TMEM147: variants seen among roughly 807,000 people sequenced by gnomAD.
TMEM147 encodes BOS complex subunit TMEM147.
Under a neutral mutation model 29.4 loss-of-function variants are expected in TMEM147, and 29 were observed. That is an observed-to-expected ratio of 0.99 (90% CI 0.73 to 1.34). TMEM147 has a LOEUF of 1.34. Ranked by LOEUF, TMEM147 falls within the 40% of genes most tolerant of loss-of-function variation. The pLI, the probability that TMEM147 is intolerant of heterozygous loss-of-function variation, is 0.00. For missense variants in TMEM147, 260 were observed against 289.4 expected, an observed-to-expected ratio of 0.90 and a Z score of 0.74; for synonymous variants, 121 against 111.8, an observed-to-expected ratio of 1.08 and a Z score of -0.52.
chr19:35,547,511 C>A lies in TMEM147; in HGVS notation c.*64C>A. 6.3e-7 allele frequency: 1 copy of A among 1,584,384 alleles called. No individual in the cohort carries two copies. Among genetic ancestry groups the A allele is most frequent in the Non-Finnish European group, 8.6e-7 (1 of 1,164,356 alleles). On this transcript the variant is annotated 3_prime_UTR_variant, in exon 7 of 7. Coordinates refer to ENST00000222284, the MANE Select transcript of TMEM147 (RefSeq NM_032635.4). ...TCACTCCAGGTTTTAGTGAAGTAAA[C>A]AGTATTTGGAAAGTTGTTGCTGCCT...
chr19:35,546,786 ACTGCTGAGCTTATTATGTCCC>A lies in TMEM147; in HGVS notation c.323_343del (p.Thr108_Arg115delinsSer). 1 of 1,614,220 alleles carries A rather than the reference ACTGCTGAGCTTATTATGTCCC, an allele frequency of 6.2e-7. No individual in the cohort carries two copies. The highest frequency in any genetic ancestry group is 2.2e-5 in the East Asian group (1 of 44,878). On this transcript the variant is annotated inframe_deletion and splice_region_variant, in exon 4 of 7. Transcript: ENST00000222284. ...CATGGTTGCTGCCCTGGGCTGGGCC[ACTGCTGAGCTTATTATGTCCC>A]GGTGCGTACAGCAGCCTGGAGCCCA...
chr19:35,546,769 C>G lies in TMEM147; in HGVS notation c.305C>G (p.Ala102Gly). 1.2e-6 allele frequency: 2 copies of G among 1,614,232 alleles called. No homozygotes were observed. The highest frequency in any genetic ancestry group is 1.7e-6 in the Non-Finnish European group (2 of 1,180,040). ...AAGGGAGAGTACAAGATCATGGTTG[C>G]TGCCCTGGGCTGGGCCACTGCTGAG... ...AGKGEYKIMVAALGWATAELI... is the reference protein window; with the variant it reads ...AGKGEYKIMVGALGWATAELI... The change falls in exon 4 of 7, where the codon GCT becomes GGT. Residue 102 changes from alanine (A) to glycine (G), a missense_variant. Transcript: ENST00000222284.
chr19:35,546,353 ATCCTCTATCTCCCCGAT>A (rs1313046694), intron 2 of TMEM147, 156 bp from the exon 3 acceptor site: 2 of 737,518 alleles, frequency 2.7e-6, no homozygotes, highest in African/African-American at 3.6e-5. Context: ...CCGGGGACCT[ATCCTCTATCTCCCCGAT>A]TCCTGTAATT....
At chr19:35,546,392 T>C in intron 2 of TMEM147, 134 bp from the exon 3 acceptor site, 2 of 1,046,350 alleles carry the variant, frequency 1.9e-6, no homozygotes, top group Non-Finnish European at 2.7e-6. Context: ...TGCCACCATC[T>C]GGTGGTTCCT....
intron 5 of TMEM147, 29 bp from the exon 6 acceptor site, chr19:35,547,088 GGC>G (rs764407376): frequency 6.2e-7 from 1 of 1,614,094 alleles, no homozygotes; most frequent in African/African-American, 1.3e-5. Flanking sequence ...TCCTCCCCAA[GGC>G]CTGGCCCCGA....
rs905256987 is a variant in TMEM147, at chr19:35,545,838, G to A, written c.77+22G>A. On this transcript the variant is annotated intron_variant, in intron 1 of 6. Coordinates refer to ENST00000222284, the MANE Select transcript of TMEM147 (RefSeq NM_032635.4). ...GCCTGTGAGTGCGGGAAGGGCGCGGGGCGGAGAGGGCGCGGGGCCCGGGCC... is the reference window on the plus strand; with the variant it reads ...GCCTGTGAGTGCGGGAAGGGCGCGGAGCGGAGAGGGCGCGGGGCCCGGGCC... 3 of 1,613,700 alleles carry A rather than the reference G, an allele frequency of 1.9e-6. No homozygotes were observed. The African/African-American group carries it at 4.0e-5, about 22-fold the overall frequency.
rs933126702 is a variant in TMEM147 at position 35,547,480 on chromosome 19, C to T, written c.*33C>T. 3 of 1,606,540 alleles carry T rather than the reference C, an allele frequency of 1.9e-6. No homozygotes were observed. Reference sequence around the variant, plus strand: ...GTCTCAGACATTGATGTACCTTTTCCCTGCCTCACTCCAGGTTTTAGTGAA... The same window carrying T: ...GTCTCAGACATTGATGTACCTTTTCTCTGCCTCACTCCAGGTTTTAGTGAA... On this transcript the variant is annotated 3_prime_UTR_variant, in exon 7 of 7. Transcript: ENST00000222284.
In TMEM147 at chr19:35,545,916, G is replaced by T; in HGVS notation, c.106G>T (p.Val36Phe). Residue 36 changes from valine to phenylalanine, a missense_variant, in exon 2 of 7, where the codon GTC becomes TTC. Coordinates refer to ENST00000222284, the MANE Select transcript of TMEM147 (RefSeq NM_032635.4). Reference protein sequence around the residue: ...LSEYNAFWKCVQAGVTYLFVQ... With the variant: ...LSEYNAFWKCFQAGVTYLFVQ... ...CGAGTACAACGCCTTCTGGAAATGC[G>T]TCCAGGCTGGAGTCACCTACCTCTT... 1 of 1,613,952 alleles carries T rather than the reference G, an allele frequency of 6.2e-7. No homozygotes were observed. The highest frequency in any genetic ancestry group is 1.7e-5 in the Admixed American group (1 of 60,016).
In TMEM147 at chr19:35,545,715, C is replaced by G; in HGVS notation, c.-25C>G. 6.2e-7 allele frequency: 1 copy of G among 1,604,762 alleles called. No homozygotes were observed. The highest frequency in any genetic ancestry group is 8.5e-7 in the Non-Finnish European group (1 of 1,178,506). On this transcript the variant is annotated 5_prime_UTR_variant, in exon 1 of 7. Coordinates refer to ENST00000222284, the MANE Select transcript of TMEM147 (RefSeq NM_032635.4). ...GAGACGCCGCCTCGCGATCCCCGCG[C>G]GGGCGGGACCGGGCGGCCGGCATCA...
chr19:35,545,685 T>A lies in TMEM147; in HGVS notation c.-55T>A. ...AGAGCCGGCGGAGCCGGAGACCCGC[T>A]CCCGGAGACGCCGCCTCGCGATCCC... On this transcript the variant is annotated 5_prime_UTR_variant, in exon 1 of 7. Transcript: ENST00000222284. 1 of 1,586,788 alleles carries A rather than the reference T, an allele frequency of 6.3e-7. No homozygotes were observed. The highest frequency in any genetic ancestry group is 8.6e-7 in the Non-Finnish European group (1 of 1,169,192).
rs1000513581 is a variant in TMEM147 at position 35,546,017 on chromosome 19, G to A, written c.147+60G>A. 60 of 1,552,450 alleles carry A rather than the reference G, an allele frequency of 3.9e-5. No individual in the cohort carries two copies. In the Admixed American group the frequency reaches 1.0e-3, roughly 26 times the overall value. On this transcript the variant is annotated intron_variant, in intron 2 of 6. Coordinates refer to ENST00000222284, the MANE Select transcript of TMEM147 (RefSeq NM_032635.4). ...CCAGGCTCTGCAGACCCAGGGACCC[G>A]CCCCCGTTGCCTATCCGCGCCCCCG...
chr19:35,546,950 T>C lies in TMEM147; in HGVS notation c.350T>C (p.Ile117Thr). 6.2e-7 allele frequency: 1 copy of C among 1,614,194 alleles called. No individual in the cohort carries two copies. The highest frequency in any genetic ancestry group is 8.5e-7 in the Non-Finnish European group (1 of 1,180,034). Reference sequence around the variant, plus strand: ...CCATCCTTTGCCTTCCTCAGCTGCATTCCCCTATGGGTCGGAGCCCGGGGC... The same window carrying C: ...CCATCCTTTGCCTTCCTCAGCTGCACTCCCCTATGGGTCGGAGCCCGGGGC... ...ATAELIMSRC[I>T]PLWVGARGIE... is the part of the protein sequence containing the mutation. Residue 117 changes from isoleucine (I) to threonine (T), a missense_variant, in exon 5 of 7, where the codon ATT becomes ACT. Coordinates refer to ENST00000222284, the MANE Select transcript of TMEM147 (RefSeq NM_032635.4).
Position 35,546,659 on chromosome 19 carries a change from A to C in TMEM147, c.208-13A>C, listed in dbSNP as rs753133959. 4.3e-6 allele frequency: 7 copies of C among 1,611,284 alleles called. No individual in the cohort carries two copies. The highest frequency in any genetic ancestry group is 1.3e-5 in the African/African-American group (1 of 74,878). ...TCCCCCTGTGCTTACTTAAGCCTCA[A>C]CCTGACCCGCAGGAGTTCATGAAGG... On this transcript the variant is annotated splice_polypyrimidine_tract_variant and intron_variant, in intron 3 of 6. Coordinates refer to ENST00000222284, the MANE Select transcript of TMEM147 (RefSeq NM_032635.4).
rs922351505 is a variant in TMEM147, at chr19:35,546,226, A to G, written c.147+269A>G. Reference sequence around the variant, plus strand: ...CTAACAGGTTTTTTTTGGTGCGGTTAAGAGTGATCACTGATTCCGTACGTG... The same window carrying G: ...CTAACAGGTTTTTTTTGGTGCGGTTGAGAGTGATCACTGATTCCGTACGTG... On this transcript the variant is annotated intron_variant, in intron 2 of 6. Transcript: ENST00000222284. 8.3e-6 allele frequency: 5 copies of G among 603,276 alleles called. No homozygotes were observed. In the African/African-American group the frequency reaches 9.3e-5, roughly 11 times the overall value. 37.4% of individuals were successfully genotyped at this position (603,276 alleles called of 1,614,324 possible).
Position 35,545,785 on chromosome 19 carries a change from C to T in TMEM147, c.46C>T (p.Pro16Ser). ...GAACTGCTTCGCTCTTGCCTACTTC[C>T]CCTACTTCATCACCTACAAGTGCAG... ...FGNCFALAYF[P>S]YFITYKCSGL... The change falls in exon 1 of 7, where the codon CCC becomes TCC. Residue 16 changes from proline to serine, a missense_variant. By Grantham distance (74) the Pro-to-Ser change is moderately conservative. Transcript: ENST00000222284. 3 of 1,613,820 alleles carry T rather than the reference C, an allele frequency of 1.9e-6. No homozygotes were observed. Among genetic ancestry groups the T allele is most frequent in the Non-Finnish European group, 2.5e-6 (3 of 1,179,906 alleles).
At chr19:35,547,276 G>A (rs1467941113) in intron 6 of TMEM147, 36 bp downstream of exon 6, 1 of 1,614,150 alleles carries the variant, frequency 6.2e-7, no homozygotes, top group South Asian at 1.1e-5. Context: ...GGTCCAAAGT[G>A]GGGTGGGTTA....
intron 4 of TMEM147, 42 bp from the exon 5 acceptor site, chr19:35,546,903 G>A (rs1280609420): frequency 6.2e-7 from 1 of 1,614,150 alleles, no homozygotes. Flanking sequence ...TGGTGCTGAA[G>A]GTGTCTGAGT....
intron 2 of TMEM147, chr19:35,546,300 C>T (rs1174061281): frequency 1.6e-6 from 1 of 607,134 alleles, no homozygotes; most frequent in African/African-American, 1.9e-5. Context: ...ACTCAGATGC[C>T]CTGTGATCAC....
chr19:35,547,051 C>T (rs376389470), intron 5 of TMEM147, 22 bp downstream of exon 5: 13 of 1,614,116 alleles, frequency 8.1e-6, no homozygotes, highest in African/African-American at 5.3e-5. Context: ...TGCTCTCCCA[C>T]ATACACATTT....
Sources: allele counts gnomAD v4.1 joint callset, GRCh38; gene constraint gnomAD v4.1.1; transcripts MANE v1.5; gene names NCBI Gene and HGNC (gene_info 2026-07-23, HGNC 2026-07-21).